BSN: variants seen among roughly 807,000 people sequenced by gnomAD.
The protein encoded by BSN is bassoon presynaptic cytomatrix protein, also known as protein bassoon.
Under a neutral mutation model 264.8 loss-of-function variants are expected in BSN, and 57 were observed. The observed-to-expected ratio is 0.22, with a 90% CI of 0.17 to 0.27. The LOEUF is 0.27. BSN is among the 10% of genes least tolerant of loss of function. BSN has a pLI of 1.00. For missense variants in BSN, 4,615 were observed against 5,232.5 expected (o/e 0.88, Z 3.64); for synonymous variants, 2,059 against 2,137.3 (o/e 0.96, Z 1.01).
intron 1 of BSN, among the ~76,000 whole-genome samples, chr3:49,575,470 ATGTGTATATATGTAAATATATATGTG>A (rs2051837765): frequency 3.4e-5 from 5 of 147,214 alleles, no homozygotes; most frequent in African/African-American, 1.2e-4. Context: ...AAATATATAT[ATGTGTATATATGTAAATATATATGTG>A]TGTGTATATA....
Position 49,660,973 on chromosome 3 carries a change from C to T in BSN, c.9128C>T (p.Ala3043Val). The T allele has an allele frequency of 6.2e-7, 1 of 1,611,762 alleles. No homozygotes were observed. Residue 3043 changes from alanine to valine, a missense_variant, in exon 6 of 12, where the codon GCC (alanine) becomes GTC (valine). This residue lies in a region of BSN where 3,415 missense variants were observed against 3,866.4 expected (regional missense o/e 0.88). Transcript: ENST00000296452. This position sits in a 1 kb window ranked among gnomAD's most constrained non-coding sequence, Gnocchi z 7.1. Reference protein sequence around the residue: ...VDFPATAAAPATPSGPTAFQQ... With the variant: ...VDFPATAAAPVTPSGPTAFQQ... Reference sequence around the variant, plus strand: ...TTCCCTGCCACTGCCGCTGCTCCTGCCACCCCCTCTGGTCCCACTGCCTTC... The same window carrying T: ...TTCCCTGCCACTGCCGCTGCTCCTGTCACCCCCTCTGGTCCCACTGCCTTC...
At position 49,642,355 on chromosome 3, in the gene BSN, C is replaced by G; in HGVS notation, c.721C>G (p.Gln241Glu). ...TGCACCTCGCTCCAAGAGCCAGCAG[C>G]AGCTGCACTCCCCAGCCCTGTCTCC... ...TTAPRSKSQQ[Q>E]LHSPALSPAH... is the part of the protein sequence containing the mutation. The change falls in exon 3 of 12, where the codon CAG becomes GAG. Residue 241 changes from glutamine to glutamate, a missense_variant. By Grantham distance (29) the Gln-to-Glu change is conservative. Around this residue, in one of 3 missense-constraint regions of BSN, gnomAD observed 1,197 missense variants for 1,348.0 expected, o/e 0.89. Coordinates refer to ENST00000296452, the MANE Select transcript of BSN (RefSeq NM_003458.4). The surrounding 1 kb of genome is among the most constrained non-coding windows in gnomAD (Gnocchi z 7.0). The G allele has an allele frequency of 6.3e-7, 1 of 1,598,918 alleles. No homozygotes were observed. The highest frequency in any genetic ancestry group is 8.5e-7 in the Non-Finnish European group (1 of 1,172,484).
chr3:49,653,096 G>A lies in BSN; in HGVS notation c.3540G>A (p.Pro1180=), dbSNP rs780848436. The change falls in exon 5 of 12, where the codon CCG becomes CCA. Residue 1180 remains proline, a synonymous_variant. Transcript: ENST00000296452. This position sits in a 1 kb window ranked among gnomAD's most constrained non-coding sequence, Gnocchi z 6.3. ...GSSTTPSSGR[P]LKSAEEAYEE... is the part of the protein sequence containing the mutation. ...CCACCACTCCCAGTTCCGGACGGCC[G>A]CTCAAGAGCGCTGAGGAGGCTTATG... 5.6e-6 allele frequency: 9 copies of A among 1,613,346 alleles called. No individual in the cohort carries two copies. The highest frequency in any genetic ancestry group is 2.2e-5 in the South Asian group (2 of 91,070).
chr3:49,586,863 T>A (rs2051941476), intron 1 of BSN, among the ~76,000 whole-genome samples: 1 of 152,240 alleles, frequency 6.6e-6, no homozygotes, highest in Admixed American at 6.5e-5. Context: ...AGCTTTGTTC[T>A]TTTTGCTTAG....
At chr3:49,613,199 C>T (rs528632852) in intron 1 of BSN, among the ~76,000 whole-genome samples, 41 of 151,078 alleles carry the variant, frequency 2.7e-4, no homozygotes, top group South Asian at 8.4e-4. Context: ...CATATTCAAC[C>T]CAAAAACGTA....
chr3:49,663,213 C>G lies in BSN; in HGVS notation c.11055C>G (p.Pro3685=), dbSNP rs768560321. ...ATGAGGCCCGGCCCCACTCTCAGCC[C>G]AGCTCTGCTCCAGCTATGCCGAAGA... The part of the protein sequence containing the change: ...GRHEARPHSQ[P]SSAPAMPKKG... The change falls in exon 7 of 12, where the codon CCC becomes CCG. Residue 3685 remains proline, a synonymous_variant. Coordinates refer to ENST00000296452, the MANE Select transcript of BSN (RefSeq NM_003458.4). 2 of 1,613,964 alleles carry G rather than the reference C, an allele frequency of 1.2e-6. No homozygotes were observed. The highest frequency in any genetic ancestry group is 2.2e-5 in the East Asian group (1 of 44,900).
In BSN at chr3:49,655,509, T is replaced by A; in HGVS notation, c.5953T>A (p.Ser1985Thr). The A allele has an allele frequency of 6.2e-7, 1 of 1,608,334 alleles. No homozygotes were observed. ...GLPGRLYSSMSDTNLAEAGLN... is the reference protein window; with the variant it reads ...GLPGRLYSSMTDTNLAEAGLN... ...GCCTGGTAGGCTGTACTCCTCCATG[T>A]CTGACACCAATTTGGCTGAGGCTGG... The change falls in exon 5 of 12, where the codon TCT (serine) becomes ACT (threonine). Residue 1985 changes from serine to threonine, a missense_variant. Transcript: ENST00000296452.
chr3:49,579,695 A>G (rs2051879973), intron 1 of BSN, among the ~76,000 whole-genome samples: 1 of 151,954 alleles, frequency 6.6e-6, no homozygotes, highest in African/African-American at 2.4e-5. Flanking sequence ...TGCTGGGATT[A>G]CAGGTGTGAG....
At chr3:49,591,735 T>G (rs983423758) in intron 1 of BSN, among the ~76,000 whole-genome samples, 2 of 152,084 alleles carry the variant, frequency 1.3e-5, no homozygotes, top group Non-Finnish European at 2.9e-5. Context: ...ACTACAGATG[T>G]GTGCCACTAT....
intron 1 of BSN, among the ~76,000 whole-genome samples, chr3:49,600,775 G>A (rs2052067753): frequency 6.6e-6 from 1 of 152,150 alleles, no homozygotes; most frequent in African/African-American, 2.4e-5. Context: ...CTGCACTCCA[G>A]TCTGGGTGGC....
chr3:49,586,455 G>C (rs1376348599), intron 1 of BSN, among the ~76,000 whole-genome samples: 1 of 151,970 alleles, frequency 6.6e-6, no homozygotes, highest in Non-Finnish European at 1.5e-5. Context: ...GCTCACTGCA[G>C]CCTCAACCTC....
chr3:49,613,303 C>CAAGAGAGAGAGA (rs2052223343), intron 1 of BSN, among the ~76,000 whole-genome samples: 5 of 47,332 alleles, frequency 1.1e-4, no homozygotes, highest in Admixed American at 3.7e-4. Flanking sequence ...ACACACAGAG[C>CAAGAGAGAGAGA]GAGAGAGAGA....
intron 1 of BSN, among the ~76,000 whole-genome samples, chr3:49,602,725 G>A (rs530054414): frequency 4.6e-5 from 7 of 152,310 alleles, no homozygotes; most frequent in African/African-American, 1.7e-4. Context: ...GATTACAGGC[G>A]TGAGCCACTG....
In BSN at chr3:49,642,860, C is replaced by T. The variant is rs753520917; in HGVS notation, c.1226C>T (p.Ala409Val). 3 of 1,613,374 alleles carry T rather than the reference C, an allele frequency of 1.9e-6. No individual in the cohort carries two copies. In the Admixed American group the frequency reaches 5.0e-5, roughly 27 times the overall value. Residue 409 changes from alanine (A) to valine (V), a missense_variant, in exon 3 of 12, where the codon GCA becomes GTA. Physicochemically the swap from Ala to Val is moderately conservative, Grantham distance 64. This residue lies in a region of BSN where 1,197 missense variants were observed against 1,348.0 expected (regional missense o/e 0.89). Coordinates refer to ENST00000296452, the MANE Select transcript of BSN (RefSeq NM_003458.4). The surrounding 1 kb of genome is among the most constrained non-coding windows in gnomAD (Gnocchi z 7.0). ...GGCTCAGGGCCCGGGCCTGGGCCAG[C>T]ACCTGGAGCCAAAACTGAGCCTGGG... ...PLGSGPGPGP[A>V]PGAKTEPGAR...
In BSN at chr3:49,652,086, C is replaced by G; in HGVS notation, c.2530C>G (p.Arg844Gly). Residue 844 changes from arginine to glycine, a missense_variant, in exon 5 of 12, where the codon CGA becomes GGA. By Grantham distance (125) the Arg-to-Gly change is moderately radical. Transcript: ENST00000296452. ...AAELTDEDFM[R>G]RQILEMSAEE... is the part of the protein sequence containing the mutation. ...AGAACTGACTGATGAGGATTTCATG[C>G]GACGGCAGATTCTCGAGATGAGCGC... The G allele has an allele frequency of 5.6e-6, 9 of 1,610,102 alleles. No homozygotes were observed. The highest frequency in any genetic ancestry group is 7.6e-6 in the Non-Finnish European group (9 of 1,177,266).
chr3:49,580,548 C>T (rs2051888710), intron 1 of BSN, among the ~76,000 whole-genome samples: 1 of 152,136 alleles, frequency 6.6e-6, no homozygotes. Context: ...CCTCTCATCT[C>T]AGCCTCCCGG....
intron 3 of BSN, among the ~76,000 whole-genome samples, chr3:49,650,329 CTCCCCCTTT>C (rs2052530511): frequency 6.6e-6 from 1 of 152,186 alleles, no homozygotes; most frequent in South Asian, 2.1e-4. Flanking sequence ...CCCCACAGTT[CTCCCCCTTT>C]TCTGGCCTGG....
Position 49,654,459 on chromosome 3 carries a change from C to G in BSN, c.4903C>G (p.Leu1635Val), listed in dbSNP as rs774472647. The change falls in exon 5 of 12, where the codon CTC becomes GTC. Residue 1635 changes from leucine (L) to valine (V), a missense_variant. Coordinates refer to ENST00000296452, the MANE Select transcript of BSN (RefSeq NM_003458.4). This position sits in a 1 kb window ranked among gnomAD's most constrained non-coding sequence, Gnocchi z 4.1. ...GPLALYGWGA[L>V]PAENISLCRI... Reference sequence around the variant, plus strand: ...CCTGGCACTATATGGCTGGGGTGCCCTCCCTGCTGAGAACATCTCCCTGTG... The same window carrying G: ...CCTGGCACTATATGGCTGGGGTGCCGTCCCTGCTGAGAACATCTCCCTGTG... 2 of 1,606,084 alleles carry G rather than the reference C, an allele frequency of 1.2e-6. No individual in the cohort carries two copies. Among genetic ancestry groups the G allele is most frequent in the South Asian group, 2.2e-5 (2 of 89,214 alleles).
chr3:49,605,378 TATA>T (rs2052106097), intron 1 of BSN, among the ~76,000 whole-genome samples: 1 of 69,178 alleles, frequency 1.4e-5, no homozygotes, highest in Non-Finnish European at 2.5e-5. Flanking sequence ...ATATTTAATA[TATA>T]AATATATATT....
Sources: allele counts gnomAD v4.1 joint callset (sites outside exome capture counted in the v4.1 genomes callset), GRCh38; gene constraint gnomAD v4.1.1; regional missense constraint gnomAD v4.1.1; non-coding constraint Gnocchi (gnomAD v3.1); transcripts MANE v1.5; gene names NCBI Gene and HGNC (gene_info 2026-07-23, HGNC 2026-07-21).